The following NEDD4L variants were observed in gnomAD, a reference collection of about 807,000 sequenced individuals.
NEDD4L encodes NEDD4 like E3 ubiquitin protein ligase.
A neutral mutation model predicts 148.9 loss-of-function variants in NEDD4L; 54 were observed. That is an observed-to-expected ratio of 0.36 (90% CI 0.29 to 0.45). The LOEUF is 0.45. Ranked by LOEUF, NEDD4L falls within the 20% of genes least tolerant of loss-of-function variation. The pLI is 1.00. For missense variants in NEDD4L, 856 were observed against 1,233.8 expected (o/e 0.69, Z 4.59); for synonymous variants, 433 against 440.7 (o/e 0.98, Z 0.22).
At chr18:58,176,001 T>C (rs908423998) in intron 2 of NEDD4L, among the ~76,000 whole-genome samples, 7 of 152,286 alleles carry the variant, frequency 4.6e-5, no homozygotes, top group Non-Finnish European at 7.4e-5. Context: ...CTGTGCAATA[T>C]AGCCATCGCC....
chr18:58,146,066 A>G (rs1222211207), intron 1 of NEDD4L, among the ~76,000 whole-genome samples: 1 of 152,160 alleles, frequency 6.6e-6, no homozygotes, highest in Non-Finnish European at 1.5e-5. Flanking sequence ...AATGGGATTA[A>G]AAGTATTAAT....
At chr18:58,100,735 A>G (rs974245273) in intron 1 of NEDD4L, among the ~76,000 whole-genome samples, 1 of 152,222 alleles carries the variant, frequency 6.6e-6, no homozygotes, top group African/African-American at 2.4e-5. Context: ...TGTAGGCATT[A>G]ATGGAAATGG....
chr18:58,088,761 G>C (rs1413105291), intron 1 of NEDD4L, among the ~76,000 whole-genome samples: 2 of 152,042 alleles, frequency 1.3e-5, no homozygotes, highest in Non-Finnish European at 2.9e-5. Flanking sequence ...TTGTTGCCCT[G>C]GCTATGAGGA....
At chr18:58,065,637 G>A (rs1287398413) in intron 1 of NEDD4L, among the ~76,000 whole-genome samples, 1 of 152,204 alleles carries the variant, frequency 6.6e-6, no homozygotes, top group East Asian at 1.9e-4. Context: ...TCGGGTGCCT[G>A]TGGGTCAGTG....
chr18:58,332,765 G>T (rs1226244111), intron 11 of NEDD4L, among the ~76,000 whole-genome samples: 1 of 152,208 alleles, frequency 6.6e-6, no homozygotes, highest in East Asian at 1.9e-4. Flanking sequence ...GTAAATACTA[G>T]AAACTGATAC....
chr18:58,196,711 T>TC (rs200598603), intron 2 of NEDD4L, among the ~76,000 whole-genome samples: 4,715 of 95,246 alleles, frequency 0.05, 75 homozygotes, highest in East Asian at 0.12. Context: ...TCTCTCTCTC[T>TC]TTTTTTTTTT....
At chr18:58,071,371 T>TA (rs997806681) in intron 1 of NEDD4L, among the ~76,000 whole-genome samples, 1 of 151,416 alleles carries the variant, frequency 6.6e-6, no homozygotes, top group South Asian at 2.1e-4. Flanking sequence ...GTAGAGATTA[T>TA]AAAAAAAAGA....
chr18:58,335,784 T>G (rs1481617163), intron 13 of NEDD4L: 4 of 387,120 alleles, frequency 1.0e-5, no homozygotes, highest in African/African-American at 8.2e-5. Context: ...TAAGTGCATT[T>G]AACTTGACCA....
chr18:58,293,799 T>C (rs1388435308), intron 5 of NEDD4L, among the ~76,000 whole-genome samples: 1 of 152,206 alleles, frequency 6.6e-6, no homozygotes, highest in Admixed American at 6.5e-5. Flanking sequence ...CTCAACTCAC[T>C]GCAGCCTCTA....
At chr18:58,151,622 G>GGGGTGTGTGT (rs1568290916) in intron 1 of NEDD4L, among the ~76,000 whole-genome samples, 16 of 61,014 alleles carry the variant, frequency 2.6e-4, no homozygotes, top group African/African-American at 8.8e-4. Context: ...GCTGTGCCTG[G>GGGGTGTGTGT]ATATGTGTGT....
chr18:58,233,459 C>T (rs1309585586), intron 2 of NEDD4L, among the ~76,000 whole-genome samples: 2 of 152,200 alleles, frequency 1.3e-5, no homozygotes, highest in African/African-American at 4.8e-5. Context: ...ATAAAATCAT[C>T]AGATCTCTTG....
intron 1 of NEDD4L, among the ~76,000 whole-genome samples, chr18:58,106,679 G>A (rs2085085964): frequency 6.6e-6 from 1 of 152,282 alleles, no homozygotes; most frequent in South Asian, 2.1e-4. Flanking sequence ...AACAGTGCCT[G>A]GCAGATGATT....
intron 19 of NEDD4L, among the ~76,000 whole-genome samples, chr18:58,358,819 A>G (rs1220776376): frequency 6.6e-6 from 1 of 152,092 alleles, no homozygotes; most frequent in Non-Finnish European, 1.5e-5. Flanking sequence ...TGACTTATAC[A>G]TTATTTAAAA....
rs138060793 is a variant in NEDD4L at position 58,164,910 on chromosome 18, A to G, written c.49-878A>G. On this transcript the variant is annotated intron_variant, in intron 1 of 30. Transcript: ENST00000400345. ...TTTAGTGATACATGTTTTCCATCCA[A>G]TTGCTTCATAGACACCTTGGACACA... is the stretch of plus-strand genomic sequence containing the variant. Among the ~76,000 whole-genome samples, 238 of 152,318 alleles carry G rather than the reference A, an allele frequency of 1.6e-3. 1 individual carries two copies. Among genetic ancestry groups the G allele is most frequent in the African/African-American group, 5.4e-3 (224 of 41,566 alleles).
intron 1 of NEDD4L, chr18:58,047,543 G>C (rs527502862): frequency 2.0e-6 from 2 of 979,518 alleles, no homozygotes; most frequent in East Asian, 1.1e-4. Context: ...TTGCTTGTGT[G>C]AATGTATGTG....
chr18:58,323,353 G>C lies in NEDD4L; in HGVS notation c.513+19G>C. 7.9e-7 allele frequency: 1 copy of C among 1,260,218 alleles called. No individual in the cohort carries two copies. The highest frequency in any genetic ancestry group is 1.3e-5 in the South Asian group (1 of 79,314). The allele number at this position is 1,260,218 out of a possible 1,614,324, so 78.1% of individuals were successfully genotyped here. A position where few individuals can be genotyped will look rare whatever the true frequency, so the allele number is the denominator to read the frequency against. Reference sequence around the variant, plus strand: ...CATGGAGGTACGTGGAGGGCGTCAGGCCTCTCTCCTTGCCTTGAGATCATA... The same window carrying C: ...CATGGAGGTACGTGGAGGGCGTCAGCCCTCTCTCCTTGCCTTGAGATCATA... On this transcript the variant is annotated intron_variant, in intron 8 of 30. Transcript: ENST00000400345.
chr18:58,179,357 C>T (rs1463183235), intron 2 of NEDD4L, among the ~76,000 whole-genome samples: 1 of 152,210 alleles, frequency 6.6e-6, no homozygotes. Context: ...TCTCTGGAAT[C>T]ATCTGTCTCC....
chr18:58,306,050 T>G (rs2057019424), intron 5 of NEDD4L, among the ~76,000 whole-genome samples: 1 of 152,158 alleles, frequency 6.6e-6, no homozygotes, highest in African/African-American at 2.4e-5. Context: ...TGTCTTTCTT[T>G]GGAAAGGCAG....
At chr18:58,097,448 CT>C (rs1239470182) in intron 1 of NEDD4L, among the ~76,000 whole-genome samples, 1 of 152,204 alleles carries the variant, frequency 6.6e-6, no homozygotes, top group African/African-American at 2.4e-5. Context: ...AAGTGTTCTA[CT>C]TTTAATGAGT....
Sources: gnomAD v4.1 joint callset for allele counts (sites outside exome capture counted in the v4.1 genomes callset) on GRCh38, gnomAD v4.1.1 for gene constraint, MANE v1.5 for transcripts, NCBI Gene and HGNC (gene_info 2026-07-23, HGNC 2026-07-21) for gene names.